Variants in NPAS3 observed in about 807,000 individuals in gnomAD.
NPAS3 encodes the protein neuronal PAS domain protein 3.
In NPAS3, 14 loss-of-function variants were observed where a neutral mutation model predicts 73.1. The ratio of observed to expected loss-of-function variants is 0.19; its 90% CI spans 0.13 to 0.30. The LOEUF (loss-of-function observed/expected upper bound fraction) is 0.30, where lower values mean the gene tolerates loss of function less well. Ranked by LOEUF, NPAS3 falls within the 10% of genes least tolerant of loss-of-function variation. The pLI is 1.00. For synonymous variants in NPAS3, 620 were observed against 541.5 expected (o/e 1.14, Z -2.01); for missense variants, 1,096 against 1,250.0 (o/e 0.88, Z 1.86).
intron 9 of NPAS3, among the ~76,000 whole-genome samples, chr14:33,784,869 G>A (rs2063120299): frequency 6.8e-6 from 1 of 147,194 alleles, no homozygotes; most frequent in South Asian, 2.2e-4. Context: ...TCCTGCCTCA[G>A]CCTCCCGAGT....
chr14:33,413,312 T>C (rs2048011406), intron 4 of NPAS3, among the ~76,000 whole-genome samples: 1 of 152,040 alleles, frequency 6.6e-6, no homozygotes, highest in Admixed American at 6.6e-5. Context: ...CCGATAGCAC[T>C]TTTTTATTGT....
chr14:33,069,652 T>C (rs902358448), intron 2 of NPAS3, among the ~76,000 whole-genome samples: 3 of 152,176 alleles, frequency 2.0e-5, no homozygotes, highest in African/African-American at 7.2e-5. Context: ...TCTCTTAGGA[T>C]TTTCCATAGG....
At chr14:33,672,177 A>T (rs188966546) in intron 5 of NPAS3, among the ~76,000 whole-genome samples, 1 of 152,288 alleles carries the variant, frequency 6.6e-6, no homozygotes, top group East Asian at 1.9e-4. Context: ...TATTCTCTTA[A>T]AGAGTTTCTT....
intron 5 of NPAS3, among the ~76,000 whole-genome samples, chr14:33,567,801 G>C (rs1786355948): frequency 6.6e-6 from 1 of 152,090 alleles, no homozygotes; most frequent in African/African-American, 2.4e-5. Context: ...ATTTTTAACA[G>C]GTCTTCAGAG....
chr14:33,701,016 C>G (rs61973004), intron 6 of NPAS3, among the ~76,000 whole-genome samples: 1 of 152,044 alleles, frequency 6.6e-6, no homozygotes, highest in Non-Finnish European at 1.5e-5. Context: ...AGGAGAAGCA[C>G]GCATGTGAAC....
At chr14:33,477,652 G>A (rs149643555) in intron 4 of NPAS3, among the ~76,000 whole-genome samples, 3 of 152,172 alleles carry the variant, frequency 2.0e-5, no homozygotes, top group Admixed American at 1.3e-4. Flanking sequence ...TAAACACTTC[G>A]GATCCAAAAG....
intron 4 of NPAS3, among the ~76,000 whole-genome samples, chr14:33,544,040 G>C (rs1404786939): frequency 9.9e-5 from 12 of 121,416 alleles, no homozygotes; most frequent in Non-Finnish European, 1.2e-4. Context: ...GAGTGGGTTA[G>C]TTCATGTAGA....
intron 5 of NPAS3, among the ~76,000 whole-genome samples, chr14:33,634,234 G>A (rs1024491169): frequency 3.9e-5 from 6 of 152,176 alleles, no homozygotes; most frequent in East Asian, 1.9e-4. Context: ...TTTCTAAAAC[G>A]TCAGCATTAC....
At chr14:33,343,476 C>A (rs2044583487) in intron 3 of NPAS3, among the ~76,000 whole-genome samples, 1 of 152,200 alleles carries the variant, frequency 6.6e-6, no homozygotes, top group Non-Finnish European at 1.5e-5. Flanking sequence ...ACATACATCA[C>A]CATCACTCTC....
intron 7 of NPAS3, among the ~76,000 whole-genome samples, chr14:33,771,912 T>C (rs2062666259): frequency 6.6e-6 from 1 of 152,206 alleles, no homozygotes; most frequent in Non-Finnish European, 1.5e-5. Context: ...AAACAAGACA[T>C]GGAAACATAG....
chr14:33,112,708 T>C (rs1371273534), intron 2 of NPAS3, among the ~76,000 whole-genome samples: 1 of 152,224 alleles, frequency 6.6e-6, no homozygotes, highest in African/African-American at 2.4e-5. Flanking sequence ...TTGTTGCCAT[T>C]GCTTTTAGTG....
chr14:33,078,166 A>G (rs2138698531), intron 2 of NPAS3, among the ~76,000 whole-genome samples: 1 of 152,200 alleles, frequency 6.6e-6, no homozygotes, highest in Admixed American at 6.5e-5. Context: ...AACAAACATA[A>G]AAATAAAAAA....
chr14:33,384,930 A>T (rs1173879134), intron 4 of NPAS3, among the ~76,000 whole-genome samples: 1 of 152,034 alleles, frequency 6.6e-6, no homozygotes, highest in African/African-American at 2.4e-5. Flanking sequence ...CACGTTGGGG[A>T]TTGAGATGGA....
intron 5 of NPAS3, among the ~76,000 whole-genome samples, chr14:33,620,067 A>G (rs778601729): frequency 3.3e-5 from 5 of 152,214 alleles, no homozygotes; most frequent in African/African-American, 4.8e-5. Context: ...TCAAGAATTC[A>G]TCAACTACAG....
chr14:33,123,053 T>A (rs1023797336), intron 2 of NPAS3, among the ~76,000 whole-genome samples: 1 of 152,128 alleles, frequency 6.6e-6, no homozygotes, highest in African/African-American at 2.4e-5. Context: ...CTGTCATTGC[T>A]GCACACAACA....
intron 5 of NPAS3, among the ~76,000 whole-genome samples, chr14:33,674,702 C>CAAGAG (rs2059708723): frequency 6.6e-6 from 1 of 152,152 alleles, no homozygotes; most frequent in East Asian, 1.9e-4. Context: ...AATTTAATAG[C>CAAGAG]AAGAGAAAAA....
At chr14:33,333,928 A>T (rs2044099545) in intron 3 of NPAS3, among the ~76,000 whole-genome samples, 1 of 152,130 alleles carries the variant, frequency 6.6e-6, no homozygotes, top group African/African-American at 2.4e-5. Flanking sequence ...CCTCTTTTAG[A>T]TAGGATATGT....
chr14:32,964,605 G>T (rs1347219459), intron 1 of NPAS3, among the ~76,000 whole-genome samples: 1 of 152,214 alleles, frequency 6.6e-6, no homozygotes, highest in Non-Finnish European at 1.5e-5. Flanking sequence ...TACATCTGTT[G>T]TAAATAGGCA....
At chr14:33,175,397 A>G (rs1381452799) in intron 2 of NPAS3, among the ~76,000 whole-genome samples, 1 of 152,154 alleles carries the variant, frequency 6.6e-6, no homozygotes, top group Non-Finnish European at 1.5e-5. Flanking sequence ...TGTTATATTG[A>G]CCAAATAAAA....
Sources: gnomAD v4.1 joint callset for allele counts (sites outside exome capture counted in the v4.1 genomes callset) on GRCh38, gnomAD v4.1.1 for gene constraint, MANE v1.5 for transcripts, NCBI Gene and HGNC (gene_info 2026-07-23, HGNC 2026-07-21) for gene names.